CCDC122: variants seen among roughly 807,000 people sequenced by gnomAD.
The protein encoded by CCDC122 is coiled-coil domain containing 122.
In CCDC122, 38 loss-of-function variants were observed where a neutral mutation model predicts 37.0. The ratio of observed to expected loss-of-function variants is 1.03; its 90% CI spans 0.79 to 1.35. The LOEUF is 1.35. Ranked by LOEUF, CCDC122 falls within the 40% of genes most tolerant of loss-of-function variation. The pLI, the probability that CCDC122 is intolerant of heterozygous loss-of-function variation, is 0.00. For missense variants in CCDC122, 305 were observed against 310.0 expected (o/e 0.98, Z 0.12); for synonymous variants, 83 against 95.6 (o/e 0.87, Z 0.77).
chr13:43,819,546 T>C (rs139954119), downstream of CCDC122, among the ~76,000 whole-genome samples: 41 of 152,294 alleles, frequency 2.7e-4, no homozygotes, highest in East Asian at 7.9e-3. Flanking sequence ...TGTGGAGATA[T>C]GTCCAGTATA....
intron 2 of CCDC122, among the ~76,000 whole-genome samples, chr13:43,869,866 A>T (rs1954391554): frequency 6.6e-6 from 1 of 152,126 alleles, no homozygotes; most frequent in Non-Finnish European, 1.5e-5. Flanking sequence ...ATCAATAATG[A>T]TTAACAATTT....
chr13:43,840,848 G>C (rs1953327663), intron 6 of CCDC122, among the ~76,000 whole-genome samples: 1 of 151,774 alleles, frequency 6.6e-6, no homozygotes, highest in African/African-American at 2.4e-5. Context: ...AAACATACAT[G>C]TGCATGTGTC....
intron 6 of CCDC122, chr13:43,855,603 A>G (rs1196004491): frequency 6.6e-6 from 1 of 152,184 alleles, no homozygotes; most frequent in East Asian, 1.9e-4. Flanking sequence ...AAAAAAGTTC[A>G]GCATCATAAA....
intron 6 of CCDC122, among the ~76,000 whole-genome samples, chr13:43,848,330 G>T (rs985099157): frequency 6.6e-6 from 1 of 152,170 alleles, no homozygotes; most frequent in Non-Finnish European, 1.5e-5. Flanking sequence ...TTATGCCAAA[G>T]CATTGCTTGC....
downstream of CCDC122, among the ~76,000 whole-genome samples, chr13:43,822,159 G>A (rs1952998519): frequency 6.6e-6 from 1 of 152,160 alleles, no homozygotes; most frequent in South Asian, 2.1e-4. Flanking sequence ...GTGTTAGAAG[G>A]AACTTGAGCC....
intron 6 of CCDC122, among the ~76,000 whole-genome samples, chr13:43,838,949 C>G (rs1273653334): frequency 6.6e-6 from 1 of 152,166 alleles, no homozygotes; most frequent in Admixed American, 6.5e-5. Context: ...AAAGATCAGT[C>G]ATTCTTCTGG....
At chr13:43,846,581 G>A (rs761494327) in intron 6 of CCDC122, among the ~76,000 whole-genome samples, 3 of 152,074 alleles carry the variant, frequency 2.0e-5, no homozygotes, top group Non-Finnish European at 4.4e-5. Context: ...TTAGATCTAG[G>A]TCTTGCCCTT....
At chr13:43,830,592 G>A (rs1440945345) in intron 3 of CCDC122, among the ~76,000 whole-genome samples, 3 of 152,206 alleles carry the variant, frequency 2.0e-5, no homozygotes, top group African/African-American at 7.2e-5. Context: ...ACTCAATTGG[G>A]AGAGGGCTGC....
downstream of CCDC122, among the ~76,000 whole-genome samples, chr13:43,833,240 T>C (rs921090960): frequency 6.6e-6 from 1 of 152,300 alleles, no homozygotes; most frequent in East Asian, 1.9e-4. Flanking sequence ...GGGGTTTTTT[T>C]CCCTCCCTCC....
At chr13:43,838,330 T>C (rs12429722) in intron 6 of CCDC122, among the ~76,000 whole-genome samples, 1 of 151,934 alleles carries the variant, frequency 6.6e-6, no homozygotes, top group Non-Finnish European at 1.5e-5. Flanking sequence ...TCATTTGGTC[T>C]AAAAGATCCA....
At chr13:43,867,465 G>A (rs998756374) in intron 4 of CCDC122, among the ~76,000 whole-genome samples, 2 of 152,006 alleles carry the variant, frequency 1.3e-5, no homozygotes, top group African/African-American at 4.8e-5. Context: ...TCATTCAGAT[G>A]AACTCCAGCT....
At chr13:43,834,919 A>G (rs1179621038), downstream of CCDC122, among the ~76,000 whole-genome samples, 5 of 152,156 alleles carry the variant, frequency 3.3e-5, no homozygotes, top group Admixed American at 1.3e-4. Context: ...TCAGGGATCT[A>G]GAACTAGAAA....
intron 6 of CCDC122, chr13:43,858,304 T>C (rs902850246): frequency 6.6e-6 from 1 of 152,402 alleles, no homozygotes; most frequent in Admixed American, 6.5e-5. Context: ...ATTATGAATT[T>C]ACTCTGACTT....
In CCDC122 at chr13:43,859,812, A is replaced by C. The variant is rs773263010; in HGVS notation, c.415T>G (p.Leu139Val). 1 of 1,609,468 alleles carries C rather than the reference A, an allele frequency of 6.2e-7. No homozygotes were observed. Among genetic ancestry groups the C allele is most frequent in the Non-Finnish European group, 8.5e-7 (1 of 1,178,460 alleles). The stretch of plus-strand genomic sequence containing the variant: ...GACCATTTGCTCTCTACTTCCCCCA[A>C]ACTATTTTTATGTGCTTTTATTTTT... ...YAKIKAHKNS[L>V]GEVESKWSFM... Residue 139 changes from leucine to valine, a missense_variant, in exon 5 of 7, where the codon TTG (leucine) becomes GTG (valine). Transcript: ENST00000444614.
downstream of CCDC122, among the ~76,000 whole-genome samples, chr13:43,819,881 A>G (rs1293324994): frequency 2.6e-5 from 4 of 152,296 alleles, no homozygotes; most frequent in South Asian, 6.2e-4. Context: ...TTCTAAAAAT[A>G]TGAAAAAGAG....
chr13:43,840,832 T>C (rs916028895), intron 6 of CCDC122, among the ~76,000 whole-genome samples: 4 of 151,570 alleles, frequency 2.6e-5, no homozygotes, highest in African/African-American at 7.3e-5. Context: ...TGAATAGTGC[T>C]GCAATAAACA....
downstream of CCDC122, among the ~76,000 whole-genome samples, chr13:43,833,708 A>G (rs561529472): frequency 3.3e-5 from 5 of 152,330 alleles, no homozygotes; most frequent in East Asian, 9.6e-4. Context: ...ATGGATTATT[A>G]GATCTCTGCA....
chr13:43,874,636 G>GTT (rs556413906), intron 2 of CCDC122: 1 of 151,818 alleles, frequency 6.6e-6, no homozygotes, highest in Non-Finnish European at 1.5e-5. Context: ...AAAAGTTTTA[G>GTT]TTTTTTTTCC....
intron 6 of CCDC122, among the ~76,000 whole-genome samples, chr13:43,857,756 A>G (rs1953967960): frequency 6.6e-6 from 1 of 152,054 alleles, no homozygotes; most frequent in African/African-American, 2.4e-5. Context: ...TACAAAAATT[A>G]GCTGGGCATT....
Sources: gnomAD v4.1 joint callset for allele counts (sites outside exome capture counted in the v4.1 genomes callset) on GRCh38, gnomAD v4.1.1 for gene constraint, MANE v1.5 for transcripts, NCBI Gene and HGNC (gene_info 2026-07-23, HGNC 2026-07-21) for gene names.